Variants in SNTG1 observed in about 807,000 individuals in gnomAD.
The protein encoded by SNTG1 is syntrophin gamma 1.
A neutral mutation model predicts 74.7 loss-of-function variants in SNTG1; 39 were observed. The ratio of observed to expected loss-of-function variants is 0.52; its 90% CI spans 0.40 to 0.68. The LOEUF (loss-of-function observed/expected upper bound fraction) is 0.68. Ranked by LOEUF, SNTG1 falls within the 30% of genes least tolerant of loss-of-function variation. The probability of loss-of-function intolerance (pLI) is 0.00; values close to 1 mark genes in which losing one functional copy is unlikely to be tolerated. For synonymous variants in SNTG1, 254 were observed against 217.1 expected (o/e 1.17, Z -1.49); for missense variants, 685 against 609.5 (o/e 1.12, Z -1.30).
chr8:50,217,482 T>C (rs1452932083), intron 2 of SNTG1, among the ~76,000 whole-genome samples: 3 of 152,146 alleles, frequency 2.0e-5, no homozygotes, highest in African/African-American at 7.2e-5. Flanking sequence ...TAATATGTGC[T>C]GTCATGTAAT....
At chr8:50,332,160 T>A (rs1195400971) in intron 2 of SNTG1, among the ~76,000 whole-genome samples, 2 of 152,212 alleles carry the variant, frequency 1.3e-5, no homozygotes, top group East Asian at 3.9e-4. Flanking sequence ...ATGAAAAATG[T>A]TCTGATCTTT....
At chr8:50,484,177 C>T (rs1407600381) in intron 8 of SNTG1, among the ~76,000 whole-genome samples, 3 of 105,692 alleles carry the variant, frequency 2.8e-5, no homozygotes, top group East Asian at 2.8e-4. Context: ...TCCTTCCTTC[C>T]TTCCTTCCTT....
intron 1 of SNTG1, among the ~76,000 whole-genome samples, chr8:49,960,325 G>T (rs1483044325): frequency 1.3e-5 from 2 of 152,118 alleles, no homozygotes; most frequent in Non-Finnish European, 2.9e-5. Flanking sequence ...GGAATGCAAA[G>T]GCAATTACAA....
At chr8:50,043,025 A>C (rs1218003893) in intron 1 of SNTG1, among the ~76,000 whole-genome samples, 6 of 152,168 alleles carry the variant, frequency 3.9e-5, no homozygotes, top group African/African-American at 9.7e-5. Flanking sequence ...TGTGTATTTA[A>C]ATTTATGATT....
chr8:50,661,971 G>A (rs1325616727), intron 15 of SNTG1, among the ~76,000 whole-genome samples: 1 of 152,124 alleles, frequency 6.6e-6, no homozygotes, highest in African/African-American at 2.4e-5. Context: ...GAGAACAGAG[G>A]AGTGGCTTCT....
intron 1 of SNTG1, among the ~76,000 whole-genome samples, chr8:50,008,678 A>C (rs1160600296): frequency 1.3e-5 from 2 of 152,202 alleles, no homozygotes; most frequent in African/African-American, 2.4e-5. Context: ...GGATAATACC[A>C]GATAATGTTA....
rs144487998 is a variant in SNTG1 at position 50,264,703 on chromosome 8, G to A, written c.-28+92068G>A. Among the ~76,000 whole-genome samples the A allele has an allele frequency of 2.3e-3, 348 of 151,526 alleles. 2 individuals carry two copies. Among genetic ancestry groups the A allele is most frequent in the African/African-American group, 7.9e-3 (325 of 41,348 alleles). ...GAAAAATAATTAAAAAAAATTAATG[G>A]TACCAAAAGTTGATACTTTGAAAAC... is the stretch of plus-strand genomic sequence containing the variant. On this transcript the variant is annotated intron_variant, in intron 2 of 18. Transcript: ENST00000642720.
chr8:50,179,794 G>C (rs2083134609), intron 2 of SNTG1, among the ~76,000 whole-genome samples: 1 of 152,112 alleles, frequency 6.6e-6, no homozygotes, highest in Non-Finnish European at 1.5e-5. Flanking sequence ...TGTCAGCAAG[G>C]GTGTGGAGGG....
chr8:50,628,066 C>T (rs532077921), intron 13 of SNTG1, among the ~76,000 whole-genome samples: 1 of 152,244 alleles, frequency 6.6e-6, no homozygotes, highest in African/African-American at 2.4e-5. Context: ...CTAGGGGCTA[C>T]CAGCCACCAG....
intron 1 of SNTG1, among the ~76,000 whole-genome samples, chr8:50,003,027 T>A (rs1241045568): frequency 6.6e-6 from 1 of 152,148 alleles, no homozygotes; most frequent in Non-Finnish European, 1.5e-5. Context: ...ATTCCACTTA[T>A]ATGAAGTGTG....
intron 15 of SNTG1, among the ~76,000 whole-genome samples, chr8:50,663,438 G>A (rs1193278216): frequency 6.6e-6 from 1 of 152,068 alleles, no homozygotes; most frequent in African/African-American, 2.4e-5. Flanking sequence ...ACATCTTCTG[G>A]TCAACCAGGG....
intron 2 of SNTG1, among the ~76,000 whole-genome samples, chr8:50,327,196 AT>A (rs1266587511): frequency 6.6e-6 from 1 of 152,116 alleles, no homozygotes; most frequent in Non-Finnish European, 1.5e-5. Flanking sequence ...GATGGTTAAT[AT>A]TGAGTTCAAC....
intron 2 of SNTG1, among the ~76,000 whole-genome samples, chr8:50,213,397 T>G (rs4873428): frequency 0.43 from 65,506 of 152,072 alleles, 17,863 homozygotes; most frequent in African/African-American, 0.78. Context: ...GTAGGCTATG[T>G]CATACCACAT....
chr8:50,616,769 A>C (rs1585856041), intron 13 of SNTG1, among the ~76,000 whole-genome samples: 1 of 152,320 alleles, frequency 6.6e-6, no homozygotes, highest in East Asian at 1.9e-4. Flanking sequence ...AAAATGCAGG[A>C]GCATTAACAG....
intron 1 of SNTG1, among the ~76,000 whole-genome samples, chr8:50,002,601 T>C (rs2130464589): frequency 6.6e-6 from 1 of 152,274 alleles, no homozygotes; most frequent in East Asian, 1.9e-4. Flanking sequence ...TCTGTTTGTT[T>C]CCAGTGAGTT....
chr8:50,596,457 TA>T (rs1448409840), intron 13 of SNTG1, among the ~76,000 whole-genome samples: 1 of 152,046 alleles, frequency 6.6e-6, no homozygotes, highest in African/African-American at 2.4e-5. Flanking sequence ...TATTTTTATT[TA>T]ACACTTGTTT....
intron 2 of SNTG1, among the ~76,000 whole-genome samples, chr8:50,193,437 A>G (rs1000920004): frequency 4.6e-5 from 7 of 151,974 alleles, no homozygotes; most frequent in Non-Finnish European, 7.4e-5. Context: ...CAGCTATAGT[A>G]AAAAGGGTTG....
intron 2 of SNTG1, among the ~76,000 whole-genome samples, chr8:50,260,939 A>G (rs1238493013): frequency 6.6e-6 from 1 of 152,116 alleles, no homozygotes; most frequent in Admixed American, 6.5e-5. Context: ...GCATAATGGG[A>G]ATACTAGAAA....
intron 17 of SNTG1, among the ~76,000 whole-genome samples, chr8:50,742,222 A>G (rs947459863): frequency 6.6e-6 from 1 of 151,940 alleles, no homozygotes; most frequent in African/African-American, 2.4e-5. Context: ...TTGAATACAC[A>G]TTTTTCTGAA....
Sources: gnomAD v4.1 joint callset for allele counts (sites outside exome capture counted in the v4.1 genomes callset) on GRCh38, gnomAD v4.1.1 for gene constraint, MANE v1.5 for transcripts, NCBI Gene and HGNC (gene_info 2026-07-23, HGNC 2026-07-21) for gene names.